TRPM3: variants seen among roughly 807,000 people sequenced by gnomAD.
TRPM3 encodes the protein long transient receptor potential channel 3.
Under a neutral mutation model 181.2 loss-of-function variants are expected in TRPM3, and 77 were observed. The observed-to-expected ratio is 0.42, with a 90% CI of 0.35 to 0.51. The LOEUF is 0.51. Ranked by LOEUF, TRPM3 falls within the 20% of genes least tolerant of loss-of-function variation. The probability of loss-of-function intolerance (pLI) is 0.01; values close to 1 mark genes in which losing one functional copy is unlikely to be tolerated. For missense variants in TRPM3, 1,759 were observed against 2,196.7 expected (o/e 0.80, Z 3.98); for synonymous variants, 745 against 796.4 (o/e 0.94, Z 1.09).
At chr9:70,552,376 G>A (rs1190285261) in intron 24 of TRPM3, among the ~76,000 whole-genome samples, 1 of 152,192 alleles carries the variant, frequency 6.6e-6, no homozygotes, top group Non-Finnish European at 1.5e-5. Flanking sequence ...GTAACAGAAA[G>A]CTGGGCTGGT....
rs372978493 is a variant in TRPM3 at position 71,270,024 on chromosome 9, T to A, written c.183+176629A>T. The stretch of plus-strand genomic sequence containing the variant: ...CTGTTTAGTATTGCAATTTTACAGG[T>A]CATATCCGGTTCTTTTCTCATAATT... On this transcript the variant is annotated intron_variant, in intron 1 of 24. Coordinates refer to the TRPM3 transcript ENST00000357533. 1.0e-3 allele frequency among the ~76,000 whole-genome samples: 152 copies of A among 152,318 alleles called. 1 individual carries two copies. The highest frequency in any genetic ancestry group is 3.4e-3 in the African/African-American group (142 of 41,562).
chr9:70,771,941 A>G (rs1314211232), intron 7 of TRPM3, among the ~76,000 whole-genome samples: 4 of 152,140 alleles, frequency 2.6e-5, no homozygotes, highest in African/African-American at 9.7e-5. Context: ...ATTTTTGTCT[A>G]TTTGGTTTAC....
chr9:70,972,055 TTA>T (rs2133931266), intron 1 of TRPM3, among the ~76,000 whole-genome samples: 1 of 152,270 alleles, frequency 6.6e-6, no homozygotes, highest in African/African-American at 2.4e-5. Flanking sequence ...TTAACCAGAG[TTA>T]TATGACCTGG....
intron 7 of TRPM3, chr9:70,775,125 G>C (rs1831144): frequency 6.6e-6 from 1 of 152,008 alleles, no homozygotes; most frequent in South Asian, 2.1e-4. Context: ...TTAATCCACT[G>C]TATCCCTAGC....
intron 8 of TRPM3, chr9:70,760,874 T>C (rs1421470200): frequency 6.6e-6 from 1 of 152,444 alleles, no homozygotes; most frequent in Non-Finnish European, 1.5e-5. Context: ...CCTCATTTAC[T>C]AATCAAATGA....
At chr9:71,415,910 C>T (rs1266082175) in intron 1 of TRPM3, among the ~76,000 whole-genome samples, 2 of 151,770 alleles carry the variant, frequency 1.3e-5, no homozygotes, top group Admixed American at 1.3e-4. Context: ...CACCCTAAAA[C>T]TGTATTACAA....
intron 1 of TRPM3, among the ~76,000 whole-genome samples, chr9:71,144,961 T>C (rs2075324299): frequency 6.6e-6 from 1 of 152,188 alleles, no homozygotes; most frequent in South Asian, 2.1e-4. Context: ...ATTTATATTT[T>C]TGAGTTCCAA....
At chr9:71,206,206 C>T (rs534645246) in intron 1 of TRPM3, among the ~76,000 whole-genome samples, 6 of 152,292 alleles carry the variant, frequency 3.9e-5, no homozygotes, top group African/African-American at 1.4e-4. Flanking sequence ...ATTTACACTC[C>T]CACCAACAGT....
At chr9:71,340,394 G>T (rs962421418) in intron 1 of TRPM3, among the ~76,000 whole-genome samples, 1 of 152,120 alleles carries the variant, frequency 6.6e-6, no homozygotes, top group Non-Finnish European at 1.5e-5. Context: ...ATCTCATCTT[G>T]AATTACCATG....
chr9:70,666,453 T>G (rs1317366748), intron 9 of TRPM3, among the ~76,000 whole-genome samples: 1 of 152,314 alleles, frequency 6.6e-6, no homozygotes, highest in African/African-American at 2.4e-5. Context: ...CAGAAAGTGG[T>G]TTTTCCAGGC....
intron 22 of TRPM3, among the ~76,000 whole-genome samples, chr9:70,570,602 G>A (rs571116932): frequency 2.0e-4 from 30 of 152,226 alleles, no homozygotes; most frequent in African/African-American, 7.2e-4. Flanking sequence ...CATAAGCCAC[G>A]GCGTCCGGCC....
chr9:71,271,892 A>G (rs1288233339), intron 1 of TRPM3, among the ~76,000 whole-genome samples: 1 of 152,200 alleles, frequency 6.6e-6, no homozygotes, highest in Non-Finnish European at 1.5e-5. Context: ...AGAAAAAAAG[A>G]TAAAGATCTA....
upstream of TRPM3, among the ~76,000 whole-genome samples, chr9:71,123,504 T>C (rs1362165696): frequency 1.3e-5 from 2 of 152,218 alleles, no homozygotes; most frequent in Non-Finnish European, 2.9e-5. Context: ...GCCTGGCATA[T>C]ACTAAATACC....
At chr9:71,414,915 C>T (rs530233309) in intron 1 of TRPM3, among the ~76,000 whole-genome samples, 2 of 152,154 alleles carry the variant, frequency 1.3e-5, no homozygotes, top group South Asian at 2.1e-4. Flanking sequence ...TTGTAACAGC[C>T]TGCATCATGG....
At chr9:71,010,327 T>C (rs758505660) in intron 1 of TRPM3, among the ~76,000 whole-genome samples, 2 of 152,034 alleles carry the variant, frequency 1.3e-5, no homozygotes, top group Non-Finnish European at 2.9e-5. Flanking sequence ...TTGCAAACCA[T>C]GCATCGGACA....
At chr9:70,543,828 A>G (rs1262211469) in intron 25 of TRPM3, among the ~76,000 whole-genome samples, 1 of 152,186 alleles carries the variant, frequency 6.6e-6, no homozygotes, top group East Asian at 1.9e-4. Flanking sequence ...AGGTGGGGTG[A>G]TGGTGGATGA....
chr9:70,979,224 A>T (rs183136424), intron 1 of TRPM3, among the ~76,000 whole-genome samples: 1 of 152,096 alleles, frequency 6.6e-6, no homozygotes, highest in East Asian at 1.9e-4. Context: ...TTGCCATTCC[A>T]TTGCCCGTTA....
At chr9:71,295,396 G>A (rs879899798) in intron 1 of TRPM3, among the ~76,000 whole-genome samples, 3 of 150,082 alleles carry the variant, frequency 2.0e-5, no homozygotes, top group South Asian at 2.1e-4. Context: ...GATTAACTAT[G>A]ATAAAAGATT....
intron 1 of TRPM3, among the ~76,000 whole-genome samples, chr9:71,285,592 TA>T (rs1744203194): frequency 6.6e-6 from 1 of 152,156 alleles, no homozygotes; most frequent in Non-Finnish European, 1.5e-5. Flanking sequence ...CAAAGTTGAA[TA>T]AAAGGCCATT....
Sources: gnomAD v4.1 joint callset for allele counts (sites outside exome capture counted in the v4.1 genomes callset) on GRCh38, gnomAD v4.1.1 for gene constraint, MANE v1.5 for transcripts, NCBI Gene and HGNC (gene_info 2026-07-23, HGNC 2026-07-21) for gene names.